Variants in TFE3 observed in about 807,000 individuals in gnomAD.
TFE3 encodes transcription factor E3.
A neutral mutation model predicts 35.0 loss-of-function variants in TFE3; 5 were observed. The observed-to-expected ratio is 0.14, with a 90% CI of 0.07 to 0.30. TFE3 has a LOEUF of 0.30. Ranked by LOEUF, TFE3 falls within the 10% of genes least tolerant of loss-of-function variation. The pLI, the probability that TFE3 is intolerant of heterozygous loss-of-function variation, is 1.00. For synonymous variants in TFE3, 211 were observed against 215.6 expected, an observed-to-expected ratio of 0.98 and a Z score of 0.18; for missense variants, 374 against 496.6, an observed-to-expected ratio of 0.75 and a Z score of 2.35.
At chrX:49,035,499 C>A (rs1233950194) in intron 5 of TFE3, among the ~76,000 whole-genome samples, 1 of 88,082 alleles carries the variant, frequency 1.1e-5, no homozygotes, top group South Asian at 7.7e-4. Flanking sequence ...CTCTGCCTCC[C>A]GGGTTCACGC....
intron 3 of TFE3, among the ~76,000 whole-genome samples, chrX:49,038,659 C>A (rs782664226): frequency 1.8e-5 from 2 of 110,661 alleles, no homozygotes; most frequent in African/African-American, 6.6e-5. Context: ...TGCCAAGATC[C>A]ACCCATGACT....
rs782113966 is a variant in TFE3 at position 49,031,350 on chromosome X, A to G, written c.1284+47T>C. ...CTGCTCTCTCTCTGCCTCCACCTGC[A>G]GGAAGCTCTCCCCCTCTTCCCCCAC... is the stretch of plus-strand genomic sequence containing the variant. On this transcript the variant is annotated intron_variant, in intron 9 of 9. Transcript: ENST00000315869. The G allele has an allele frequency of 1.1e-5, 13 of 1,146,070 alleles. No individual in the cohort carries two copies. In the South Asian group the frequency reaches 2.5e-4, roughly 22 times the overall value. 94.4% of individuals were successfully genotyped at this position (1,146,070 alleles called of 1,213,427 possible). A position where few individuals can be genotyped will look rare whatever the true frequency, so the allele number is the denominator to read the frequency against.
At chrX:49,036,297 G>A (rs1359353653) in intron 5 of TFE3, among the ~76,000 whole-genome samples, 1 of 107,525 alleles carries the variant, frequency 9.3e-6, no homozygotes, top group East Asian at 2.9e-4. Context: ...GTGAAACCCC[G>A]TCTCTACTAA....
chrX:49,034,282 T>G (rs782531998), intron 5 of TFE3, 31 bp from the exon 6 acceptor site: 1 of 964,341 alleles, frequency 1.0e-6, no homozygotes, highest in African/African-American at 2.8e-5. Context: ...GAACCACCAG[T>G]TGGGAACAAA....
At chrX:49,033,902 C>T in intron 6 of TFE3, 120 bp from the exon 7 acceptor site, 1 of 834,631 alleles carries the variant, frequency 1.2e-6, no homozygotes, top group East Asian at 3.3e-5. Flanking sequence ...AAAGTGCCTT[C>T]TTTTTACTAT....
intron 8 of TFE3, chrX:49,031,941 T>C (rs1557073814): frequency 1.6e-5 from 2 of 121,281 alleles, no homozygotes. Context: ...CCGCCTTGCC[T>C]CCTTAGGCTC....
At chrX:49,033,861 T>C in intron 6 of TFE3, 79 bp from the exon 7 acceptor site, 1 of 1,086,889 alleles carries the variant, frequency 9.2e-7, no homozygotes, top group Non-Finnish European at 1.3e-6. Flanking sequence ...TAGGGTTTGG[T>C]AGCCAAAAGC....
At position 49,029,628 on chromosome X, in the gene TFE3, C is replaced by A. The variant is rs184332393; in HGVS notation, c.*530G>T. On this transcript the variant is annotated 3_prime_UTR_variant, in exon 10 of 10. Transcript: ENST00000315869. ...TCCTCACTTCTGTTCCTTGCCTGGGCAGAGCAGGGCAGGGTTCATGGGGAA... is the reference window on the plus strand; with the variant it reads ...TCCTCACTTCTGTTCCTTGCCTGGGAAGAGCAGGGCAGGGTTCATGGGGAA... The A allele has an allele frequency of 1.3e-3, 514 of 394,477 alleles. 2 individuals carry two copies. The highest frequency in any genetic ancestry group is 0.011 in the African/African-American group (458 of 41,701). 32.5% of individuals were successfully genotyped at this position (394,477 alleles called of 1,213,427 possible).
rs1557073453 is a variant in TFE3 at position 49,030,177 on chromosome X, C to G, written c.1709G>C (p.Ser570Thr). Residue 570 changes from serine (S) to threonine (T), a missense_variant, in exon 10 of 10, where the codon AGC becomes ACC. By Grantham distance (58) the Ser-to-Thr change is moderately conservative. This residue lies in a region of TFE3 where 117 missense variants were observed against 111.9 expected (regional missense o/e 1.05). Transcript: ENST00000315869. Reference sequence around the variant, plus strand: ...GCCTGATCAGGACTCCTCTTCCATGCTGAAGCTGCTGCGGCGGCTGCTGGC... The same window carrying G: ...GCCTGATCAGGACTCCTCTTCCATGGTGAAGCTGCTGCGGCGGCTGCTGGC... ...SKASSRRSSFSMEEES is the reference protein window; with the variant it reads ...SKASSRRSSFTMEEES 1 of 1,205,418 alleles carries G rather than the reference C, an allele frequency of 8.3e-7. No homozygotes were observed. Among genetic ancestry groups the G allele is most frequent in the African/African-American group, 1.8e-5 (1 of 57,124 alleles).
chrX:49,030,106 A>C lies in TFE3; in HGVS notation c.*52T>G, dbSNP rs782597619. 6 of 1,157,396 alleles carry C rather than the reference A, an allele frequency of 5.2e-6. No homozygotes were observed. Among genetic ancestry groups the C allele is most frequent in the Non-Finnish European group, 7.0e-6 (6 of 859,804 alleles). The stretch of plus-strand genomic sequence containing the variant: ...GGGGAAAAGGCGGGGCCTCATCCTG[A>C]CTGGTCCTCCTTTCCTGGGTGGGAA... On this transcript the variant is annotated 3_prime_UTR_variant, in exon 10 of 10. Transcript: ENST00000315869.
In TFE3 at chrX:49,030,501, T is replaced by C; in HGVS notation, c.1385A>G (p.Glu462Gly). Residue 462 changes from glutamate (E) to glycine (G), a missense_variant, in exon 10 of 10, where the codon GAG (glutamate) becomes GGG (glycine). Glu to Gly is a moderately conservative substitution (Grantham distance 98, BLOSUM62 -2). Around this residue, in one of 3 missense-constraint regions of TFE3, gnomAD observed 117 missense variants for 111.9 expected, o/e 1.05. Coordinates refer to ENST00000315869, the MANE Select transcript of TFE3 (RefSeq NM_006521.6). ...GCCCTCCTCCTCAATGTCCAGCTGC[T>C]CTGGCTTGAGGCTGTCAGAAGCCGA... ...TTSASDSLKP[E>G]QLDIEEEGRP... The C allele has an allele frequency of 8.3e-7, 1 of 1,211,598 alleles. No individual in the cohort carries two copies. The highest frequency in any genetic ancestry group is 1.1e-6 in the Non-Finnish European group (1 of 895,464).
In TFE3 at chrX:49,041,081, C is replaced by A. The variant is rs370608867; in HGVS notation, c.117-513G>T. Among the ~76,000 whole-genome samples the A allele has an allele frequency of 7.3e-5, 8 of 109,647 alleles. No homozygotes were observed. The East Asian group carries it at 8.6e-4, about 12-fold the overall frequency. ...CCGAGTAGCTGGGATTACAGGCACA[C>A]GCCACCACGTCCGGCTAATTTTTGT... On this transcript the variant is annotated intron_variant, in intron 1 of 9. Coordinates refer to ENST00000315869, the MANE Select transcript of TFE3 (RefSeq NM_006521.6).
In TFE3 at chrX:49,038,091, G is replaced by T; in HGVS notation, c.804C>A (p.Ile268=). 2 of 1,209,108 alleles carry T rather than the reference G, an allele frequency of 1.7e-6. No individual in the cohort carries two copies. The highest frequency in any genetic ancestry group is 1.1e-6 in the Non-Finnish European group (1 of 893,970). Reference sequence around the variant, plus strand: ...CATTGTAACTGGACTCCAGGCTGATGATCTCATCAATGACATCATCAATCT... The same window carrying T: ...CATTGTAACTGGACTCCAGGCTGATTATCTCATCAATGACATCATCAATCT... ...EKEIDDVIDE[I]ISLESSYNDE... is the part of the protein sequence containing the mutation. Residue 268 remains isoleucine, a synonymous_variant, in exon 5 of 10, where the codon ATC becomes ATA. Coordinates refer to ENST00000315869, the MANE Select transcript of TFE3 (RefSeq NM_006521.6).
In TFE3 at chrX:49,029,338, C is replaced by T. The variant is rs1262037032; in HGVS notation, c.*820G>A. 5.3e-6 allele frequency: 1 copy of T among 187,148 alleles called. No individual in the cohort carries two copies. Among genetic ancestry groups the T allele is most frequent in the African/African-American group, 2.9e-5 (1 of 34,872 alleles). 15.4% of individuals were successfully genotyped at this position (187,148 alleles called of 1,213,427 possible). On this transcript the variant is annotated 3_prime_UTR_variant, in exon 10 of 10. Coordinates refer to ENST00000315869, the MANE Select transcript of TFE3 (RefSeq NM_006521.6). ...AAGAGCAAGGTTGGCTCAGAGCCCT[C>T]CTAGGTTAGGTCAGGTTGGTCCCAG... is the stretch of plus-strand genomic sequence containing the variant.
intron 5 of TFE3, among the ~76,000 whole-genome samples, chrX:49,034,911 T>C (rs1429477992): frequency 9.0e-6 from 1 of 110,687 alleles, no homozygotes; most frequent in African/African-American, 3.3e-5. Flanking sequence ...TCTCAGGAGA[T>C]TCTTATCCAA....
At position 49,030,061 on chromosome X, in the gene TFE3, G is replaced by A; in HGVS notation, c.*97C>T. The A allele has an allele frequency of 1.1e-6, 1 of 917,973 alleles. No homozygotes were observed. The highest frequency in any genetic ancestry group is 1.5e-6 in the Non-Finnish European group (1 of 653,751). The allele number at this position is 917,973 out of a possible 1,213,427, so 75.7% of individuals were successfully genotyped here. On this transcript the variant is annotated 3_prime_UTR_variant, in exon 10 of 10. Transcript: ENST00000315869. ...CTCTTCCCCCAGGATACCTGGGCAGGGCAGTCTCATGGGAGGGTGGGGGAA... is the reference window on the plus strand; with the variant it reads ...CTCTTCCCCCAGGATACCTGGGCAGAGCAGTCTCATGGGAGGGTGGGGGAA...
chrX:49,033,635 T>C lies in TFE3; in HGVS notation c.1060+91A>G, dbSNP rs1256797190. ...CAGAAAGTAGGGAGTTGGGAGGCTG[T>C]TGCAGGGAAGGAGTTCCCCATGGGG... is the stretch of plus-strand genomic sequence containing the variant. On this transcript the variant is annotated intron_variant, in intron 7 of 9. Transcript: ENST00000315869. 3 of 1,183,517 alleles carry C rather than the reference T, an allele frequency of 2.5e-6. No homozygotes were observed. In the Admixed American group the frequency reaches 6.7e-5, roughly 26 times the overall value.
chrX:49,041,922 T>G (rs1357139990), intron 1 of TFE3, among the ~76,000 whole-genome samples: 1 of 111,122 alleles, frequency 9.0e-6, no homozygotes, highest in Admixed American at 9.6e-5. Flanking sequence ...CTCCTCACCC[T>G]CAGATGGAGC....
At position 49,038,462 on chromosome X, in the gene TFE3, A is replaced by G; in HGVS notation, c.535-20T>C. On this transcript the variant is annotated intron_variant, in intron 3 of 9. Coordinates refer to ENST00000315869, the MANE Select transcript of TFE3 (RefSeq NM_006521.6). The stretch of plus-strand genomic sequence containing the variant: ...CTGCACCTGTGAAATAAGGTAGACA[A>G]GGAAAGAGAGGGGACAAGGCAGAAC... The G allele has an allele frequency of 1.7e-6, 2 of 1,191,559 alleles. No individual in the cohort carries two copies. The highest frequency in any genetic ancestry group is 3.6e-5 in the South Asian group (2 of 55,466).
Sources: allele counts gnomAD v4.1 joint callset (sites outside exome capture counted in the v4.1 genomes callset), GRCh38; gene constraint gnomAD v4.1.1; regional missense constraint gnomAD v4.1.1; transcripts MANE v1.5; gene names NCBI Gene and HGNC (gene_info 2026-07-23, HGNC 2026-07-21).